Variants in KDM6A observed in about 807,000 individuals in gnomAD.
KDM6A encodes the protein lysine-specific demethylase 6A.
KDM6A carries 11 observed loss-of-function variants against 117.6 expected under a neutral mutation model. The ratio of observed to expected loss-of-function variants is 0.09; its 90% CI spans 0.06 to 0.15. The LOEUF is 0.15. KDM6A is among the 10% of genes least tolerant of loss of function. The pLI, the probability that KDM6A is intolerant of heterozygous loss-of-function variation, is 1.00. For missense variants in KDM6A, 799 were observed against 1,077.3 expected, an observed-to-expected ratio of 0.74 and a Z score of 3.62; for synonymous variants, 384 against 396.1, an observed-to-expected ratio of 0.97 and a Z score of 0.36.
chrX:44,935,594 A>G (rs938585638), intron 2 of KDM6A, among the ~76,000 whole-genome samples: 1 of 111,798 alleles, frequency 8.9e-6, no homozygotes, highest in African/African-American at 3.3e-5. Flanking sequence ...ATAAAGCACA[A>G]AGAGATTAAG....
At chrX:45,000,731 A>G (rs2041100379) in intron 4 of KDM6A, among the ~76,000 whole-genome samples, 1 of 112,373 alleles carries the variant, frequency 8.9e-6, no homozygotes, top group Admixed American at 9.4e-5. Flanking sequence ...GGGCTGGGAG[A>G]TGGAAGCTGG....
intron 25 of KDM6A, among the ~76,000 whole-genome samples, chrX:45,087,364 C>T (rs752850633): frequency 8.9e-6 from 1 of 112,746 alleles, no homozygotes; most frequent in Non-Finnish European, 1.9e-5. Context: ...AGAAGTGCAT[C>T]GTAGTTGAAA....
intron 17 of KDM6A, among the ~76,000 whole-genome samples, chrX:45,067,660 T>TG (rs2044594880): frequency 4.1e-5 from 4 of 97,641 alleles, no homozygotes; most frequent in African/African-American, 1.7e-4. Context: ...TTTGTTTTTT[T>TG]TTTTTTTTTT....
intron 4 of KDM6A, among the ~76,000 whole-genome samples, chrX:44,980,623 A>G (rs1235345381): frequency 9.7e-6 from 1 of 102,658 alleles, no homozygotes; most frequent in Non-Finnish European, 2.0e-5. Flanking sequence ...TTTTATTGCT[A>G]TTATATAGGA....
Position 44,890,704 on chromosome X carries a change from G to C in KDM6A, c.225+16717G>C, listed in dbSNP as rs775517611. 5.5e-5 allele frequency among the ~76,000 whole-genome samples: 5 copies of C among 90,743 alleles called. No individual in the cohort carries two copies. The South Asian group carries it at 2.9e-3, about 53-fold the overall frequency. 78.8% of individuals were successfully genotyped at this position (90,743 alleles called of 115,157 possible). A position where few individuals can be genotyped will look rare whatever the true frequency, so the allele number is the denominator to read the frequency against. On this transcript the variant is annotated intron_variant, in intron 2 of 29. Transcript: ENST00000611820. ...AGTTTCGCTCTTGTTGCCCAGGCTG[G>C]ATTGCAGTGGCGCGATCTCGGCTCA...
At chrX:44,914,151 G>A (rs746098065) in intron 2 of KDM6A, among the ~76,000 whole-genome samples, 21 of 111,703 alleles carry the variant, frequency 1.9e-4, no homozygotes, top group South Asian at 3.7e-4. Context: ...ATTTGTTCCC[G>A]CATTAATTCT....
chrX:45,015,473 G>A (rs1234141344), intron 5 of KDM6A, among the ~76,000 whole-genome samples: 3 of 111,155 alleles, frequency 2.7e-5, no homozygotes, highest in Non-Finnish European at 5.7e-5. Flanking sequence ...GTTCTTAGGG[G>A]TGTAGGAATT....
intron 1 of KDM6A, 102 bp downstream of exon 1, chrX:44,873,814 C>T: frequency 8.7e-7 from 1 of 1,143,738 alleles, no homozygotes; most frequent in Admixed American, 2.6e-5. Flanking sequence ...GGGGCGGGCA[C>T]CTCGGTTTGG....
chrX:45,077,746 T>A (rs1039159504), intron 19 of KDM6A, among the ~76,000 whole-genome samples: 4 of 111,687 alleles, frequency 3.6e-5, no homozygotes, highest in African/African-American at 1.3e-4. Context: ...TAGGCATAAT[T>A]TTTTTTCTTT....
At position 45,063,937 on chromosome X, in the gene KDM6A, C is replaced by T. The variant is rs893569109; in HGVS notation, c.2079+120C>T. 3 of 669,378 alleles carry T rather than the reference C, an allele frequency of 4.5e-6. No individual in the cohort carries two copies. The African/African-American group carries it at 6.5e-5, about 15-fold the overall frequency. The allele number at this position is 669,378 out of a possible 1,213,427, so 55.2% of individuals were successfully genotyped here. ...AACTGGTTTTATAAGAATTTTGTGG[C>T]ACTACAATGTTACTACATTGTGATT... On this transcript the variant is annotated intron_variant, in intron 17 of 29. Coordinates refer to ENST00000611820, the MANE Select transcript of KDM6A (RefSeq NM_001291415.2).
intron 27 of KDM6A, 59 bp downstream of exon 27, chrX:45,090,923 G>GT (rs2045868018): frequency 8.0e-6 from 9 of 1,130,711 alleles, no homozygotes; most frequent in Non-Finnish European, 9.7e-6. Context: ...TAACTATTAA[G>GT]TTTTTTTTCT....
chrX:45,012,670 A>G (rs6651828), intron 5 of KDM6A, among the ~76,000 whole-genome samples: 24,219 of 110,917 alleles, frequency 0.22, 4,350 homozygotes, highest in African/African-American at 0.61. Flanking sequence ...ATTACAGAGC[A>G]TTTACATATG....
chrX:44,888,895 T>C (rs192800488), intron 2 of KDM6A, among the ~76,000 whole-genome samples: 50 of 112,104 alleles, frequency 4.5e-4, no homozygotes, highest in Middle Eastern at 4.6e-3. Flanking sequence ...TGAATAAATA[T>C]ATATTAGGTA....
At chrX:45,048,213 C>G (rs2043668217) in intron 8 of KDM6A, among the ~76,000 whole-genome samples, 1 of 105,865 alleles carries the variant, frequency 9.4e-6, no homozygotes, top group Non-Finnish European at 1.9e-5. Context: ...AATTTCACAG[C>G]TGGTTTTCAT....
intron 2 of KDM6A, among the ~76,000 whole-genome samples, chrX:44,932,843 A>G (rs2036718248): frequency 3.6e-5 from 4 of 110,635 alleles, no homozygotes; most frequent in Admixed American, 1.9e-4. Flanking sequence ...GCTACCTTCA[A>G]TGCATAGCTG....
intron 20 of KDM6A, 37 bp downstream of exon 20, chrX:45,078,542 T>G (rs1167243250): frequency 9.1e-7 from 1 of 1,104,066 alleles, no homozygotes. Context: ...CGTTTGTCTC[T>G]TTGTTTTGCT....
intron 2 of KDM6A, among the ~76,000 whole-genome samples, chrX:44,911,086 G>GC (rs771959202): frequency 0.22 from 22,763 of 103,870 alleles, 4,262 homozygotes; most frequent in African/African-American, 0.61. Context: ...GGGCAGAGGC[G>GC]CCCCCACCTC....
At chrX:44,924,029 C>G (rs749248826) in intron 2 of KDM6A, among the ~76,000 whole-genome samples, 27 of 112,077 alleles carry the variant, frequency 2.4e-4, no homozygotes, top group East Asian at 2.3e-3. Flanking sequence ...GGCCTAATCT[C>G]CTCTTTATTT....
chrX:44,976,068 G>A (rs1277223182), intron 4 of KDM6A, among the ~76,000 whole-genome samples: 2 of 111,623 alleles, frequency 1.8e-5, no homozygotes, highest in African/African-American at 6.5e-5. Flanking sequence ...ACCCTTCAAT[G>A]TGGCTGCATG....
Sources: allele counts gnomAD v4.1 joint callset (sites outside exome capture counted in the v4.1 genomes callset), GRCh38; gene constraint gnomAD v4.1.1; transcripts MANE v1.5; gene names NCBI Gene and HGNC (gene_info 2026-07-23, HGNC 2026-07-21).